GXYLT1: variants seen among roughly 807,000 people sequenced by gnomAD.
GXYLT1 encodes glycosyltransferase 8 domain containing 3.
Under a neutral mutation model 54.0 loss-of-function variants are expected in GXYLT1, and 29 were observed. The ratio of observed to expected loss-of-function variants is 0.54; its 90% CI spans 0.40 to 0.73. The LOEUF is 0.73. Ranked by LOEUF, GXYLT1 falls within the 30% of genes least tolerant of loss-of-function variation. GXYLT1 has a pLI of 0.00. For missense variants in GXYLT1, 490 were observed against 553.4 expected, an observed-to-expected ratio of 0.89 and a Z score of 1.15; for synonymous variants, 176 against 204.1, an observed-to-expected ratio of 0.86 and a Z score of 1.17.
rs1485269251 is a variant in GXYLT1 at position 42,084,948 on chromosome 12, A to T, written c.*2838T>A. On this transcript the variant is annotated 3_prime_UTR_variant, in exon 8 of 8. Coordinates refer to ENST00000398675, the MANE Select transcript of GXYLT1 (RefSeq NM_173601.2). Reference sequence around the variant, plus strand: ...ATAGTTCTGAGGTCAGAATACATAGACTCAAATAATAAATCATGTAGTTTA... The same window carrying T: ...ATAGTTCTGAGGTCAGAATACATAGTCTCAAATAATAAATCATGTAGTTTA... The T allele has an allele frequency of 6.6e-6, 1 of 152,262 alleles. No homozygotes were observed. Among genetic ancestry groups the T allele is most frequent in the East Asian group, 1.9e-4 (1 of 5,206 alleles). The allele number at this position is 152,262 out of a possible 1,614,324, so 9.4% of individuals were successfully genotyped here. A position where few individuals can be genotyped will look rare whatever the true frequency, so the allele number is the denominator to read the frequency against.
In GXYLT1 at chr12:42,098,784, T is replaced by TATATATATATATATATAA. The variant is rs1017764424; in HGVS notation, c.865-752_865-751insTTATATATATATATATAT. Among the ~76,000 whole-genome samples the TATATATATATATATATAA allele has an allele frequency of 7.1e-4, 95 of 134,400 alleles. 1 individual carries two copies. Among genetic ancestry groups the TATATATATATATATATAA allele is most frequent in the Non-Finnish European group, 6.9e-4 (43 of 62,132 alleles). 88.2% of individuals were successfully genotyped at this position (134,400 alleles called of 152,430 possible). ...ACATATATATATATATATATATATA[T>TATATATATATATATATAA]AATACATGTGTGTGTATATATACAT... On this transcript the variant is annotated intron_variant, in intron 5 of 7. Coordinates refer to ENST00000398675, the MANE Select transcript of GXYLT1 (RefSeq NM_173601.2).
intron 1 of GXYLT1, among the ~76,000 whole-genome samples, chr12:42,140,310 G>A (rs907794164): frequency 6.7e-5 from 10 of 149,540 alleles, no homozygotes; most frequent in African/African-American, 2.5e-4. Context: ...ATAAATTCCT[G>A]GACCCCACTG....
intron 3 of GXYLT1, among the ~76,000 whole-genome samples, chr12:42,117,804 G>A (rs939673502): frequency 9.2e-5 from 14 of 152,234 alleles, no homozygotes; most frequent in African/African-American, 3.1e-4. Flanking sequence ...GAACTTACAA[G>A]GCTGACCTGA....
intron 2 of GXYLT1, among the ~76,000 whole-genome samples, chr12:42,120,590 G>T (rs1455692612): frequency 6.6e-6 from 1 of 152,024 alleles, no homozygotes; most frequent in Admixed American, 6.6e-5. Flanking sequence ...GAGTACAGTG[G>T]TGCATTCATA....
intron 1 of GXYLT1, among the ~76,000 whole-genome samples, chr12:42,133,111 C>A (rs1311127141): frequency 3.3e-5 from 5 of 152,042 alleles, no homozygotes; most frequent in Non-Finnish European, 5.9e-5. Context: ...GGTGAAGCCC[C>A]ATCTCTAATA....
At chr12:42,092,243 C>A (rs934693278) in intron 7 of GXYLT1, among the ~76,000 whole-genome samples, 13 of 152,280 alleles carry the variant, frequency 8.5e-5, no homozygotes, top group Admixed American at 7.8e-4. Flanking sequence ...TTTCTCCTGA[C>A]CCCCACATTT....
intron 7 of GXYLT1, among the ~76,000 whole-genome samples, chr12:42,088,772 T>C (rs2065311943): frequency 6.6e-6 from 1 of 151,628 alleles, no homozygotes; most frequent in South Asian, 2.1e-4. Flanking sequence ...AGTAGAACAT[T>C]TTATATGGAA....
intron 4 of GXYLT1, 21 bp downstream of exon 4, chr12:42,109,545 A>T (rs2065439741): frequency 7.0e-7 from 1 of 1,433,328 alleles, no homozygotes; most frequent in Admixed American, 3.1e-5. Context: ...AAAAAAAAAG[A>T]CACTAGGGGA....
chr12:42,137,430 C>T (rs1447949877), intron 1 of GXYLT1, among the ~76,000 whole-genome samples: 1 of 146,060 alleles, frequency 6.8e-6, no homozygotes, highest in Non-Finnish European at 1.5e-5. Context: ...ATCGCTTGAA[C>T]TCAGGAGGCA....
intron 4 of GXYLT1, among the ~76,000 whole-genome samples, 159 bp from the exon 5 acceptor site, chr12:42,106,228 T>C (rs1001395780): frequency 1.3e-5 from 2 of 152,196 alleles, no homozygotes; most frequent in Non-Finnish European, 2.9e-5. Flanking sequence ...AACAATAGCA[T>C]ATATATAAAG....
chr12:42,136,782 ACAT>A, intron 1 of GXYLT1, among the ~76,000 whole-genome samples: 1 of 151,916 alleles, frequency 6.6e-6, no homozygotes. Flanking sequence ...ATACATACAT[ACAT>A]ACAAACAAAC....
chr12:42,137,617 CG>C (rs1384506089), intron 1 of GXYLT1, among the ~76,000 whole-genome samples: 6 of 150,836 alleles, frequency 4.0e-5, no homozygotes, highest in Non-Finnish European at 2.9e-5. Context: ...ATTATCTGGG[CG>C]TGGTGGCAGG....
chr12:42,087,662 T>C lies in GXYLT1; in HGVS notation c.*124A>G. ...GAAAATACTGCTTACTTAACTTCTT[T>C]AGGAAAAAAAAAATTATTCTGGAGA... On this transcript the variant is annotated 3_prime_UTR_variant, in exon 8 of 8. Transcript: ENST00000398675. The C allele has an allele frequency of 2.9e-6, 2 of 692,986 alleles. No homozygotes were observed. The highest frequency in any genetic ancestry group is 4.6e-6 in the Non-Finnish European group (2 of 433,508). The allele number at this position is 692,986 out of a possible 1,614,324, so 42.9% of individuals were successfully genotyped here. A position where few individuals can be genotyped will look rare whatever the true frequency, so the allele number is the denominator to read the frequency against.
At chr12:42,104,538 G>C (rs2065408349) in intron 5 of GXYLT1, among the ~76,000 whole-genome samples, 1 of 137,000 alleles carries the variant, frequency 7.3e-6, no homozygotes, top group Non-Finnish European at 1.5e-5. Context: ...ATTTTAAAAA[G>C]ATTCAGAAAA....
intron 2 of GXYLT1, among the ~76,000 whole-genome samples, chr12:42,126,030 AAC>A (rs1008571910): frequency 4.6e-5 from 7 of 152,046 alleles, no homozygotes; most frequent in Non-Finnish European, 1.0e-4. Flanking sequence ...ATCTCAAAAA[AAC>A]AAACAAACCA....
At chr12:42,130,120 C>T (rs1237333926) in intron 1 of GXYLT1, among the ~76,000 whole-genome samples, 2 of 152,116 alleles carry the variant, frequency 1.3e-5, no homozygotes, top group Non-Finnish European at 2.9e-5. Flanking sequence ...GATAAAATCC[C>T]CTCCTCAGAT....
At chr12:42,102,579 G>T (rs1274739517) in intron 5 of GXYLT1, among the ~76,000 whole-genome samples, 2 of 152,030 alleles carry the variant, frequency 1.3e-5, no homozygotes, top group Non-Finnish European at 2.9e-5. Flanking sequence ...CCCTCAGTAG[G>T]TGGAGCAAAC....
chr12:42,107,782 A>T (rs907289554), intron 4 of GXYLT1, among the ~76,000 whole-genome samples: 1 of 152,158 alleles, frequency 6.6e-6, no homozygotes, highest in Admixed American at 6.5e-5. Context: ...TGTTTTTAAT[A>T]GCAACATTCT....
rs905704121 is a variant in GXYLT1 at position 42,111,305 on chromosome 12, C to T, written c.487-1614G>A. Among the ~76,000 whole-genome samples the T allele has an allele frequency of 1.1e-4, 17 of 152,330 alleles. 1 individual carries two copies. The highest frequency in any genetic ancestry group is 5.9e-4 in the Admixed American group (9 of 15,310). On this transcript the variant is annotated intron_variant, in intron 3 of 7. Coordinates refer to ENST00000398675, the MANE Select transcript of GXYLT1 (RefSeq NM_173601.2). ...GTGCAGGACAGTGGCTGCAGCGCACCGTGCGCGAGCCGAACCGGGGCGAGG... is the reference window on the plus strand; with the variant it reads ...GTGCAGGACAGTGGCTGCAGCGCACTGTGCGCGAGCCGAACCGGGGCGAGG...
Sources: allele counts gnomAD v4.1 joint callset (sites outside exome capture counted in the v4.1 genomes callset), GRCh38; gene constraint gnomAD v4.1.1; transcripts MANE v1.5; gene names NCBI Gene and HGNC (gene_info 2026-07-23, HGNC 2026-07-21).